Variants in EPM2A observed in about 807,000 individuals in gnomAD.
The protein encoded by EPM2A is laforin.
In EPM2A, 21 loss-of-function variants were observed where a neutral mutation model predicts 26.5. The observed-to-expected ratio is 0.79, with a 90% CI of 0.56 to 1.14. EPM2A has a LOEUF of 1.14. EPM2A is among the 50% of genes most tolerant of loss of function. The pLI is 0.00. For synonymous variants in EPM2A, 217 were observed against 177.6 expected (o/e 1.22, Z -1.76); for missense variants, 458 against 440.8 (o/e 1.04, Z -0.35).
At chr6:145,468,265 T>TA (rs1179625375) in intron 4 of EPM2A, among the ~76,000 whole-genome samples, 2 of 152,074 alleles carry the variant, frequency 1.3e-5, no homozygotes, top group Admixed American at 6.6e-5. Flanking sequence ...GAAAAATACT[T>TA]ACAAAAATAT....
At chr6:145,524,484 T>G (rs1300542482) in intron 2 of EPM2A, among the ~76,000 whole-genome samples, 1 of 152,192 alleles carries the variant, frequency 6.6e-6, no homozygotes, top group Non-Finnish European at 1.5e-5. Flanking sequence ...TGGTTTGAGA[T>G]GGCATCTCAT....
At chr6:145,450,825 T>C (rs779330343) in intron 4 of EPM2A, among the ~76,000 whole-genome samples, 8 of 152,194 alleles carry the variant, frequency 5.3e-5, no homozygotes, top group Non-Finnish European at 1.2e-4. Flanking sequence ...AGATGAACAT[T>C]ATTTGTCTTC....
chr6:145,556,027 T>G (rs1344705538), intron 2 of EPM2A, among the ~76,000 whole-genome samples: 1 of 152,210 alleles, frequency 6.6e-6, no homozygotes, highest in Non-Finnish European at 1.5e-5. Flanking sequence ...ACATAATCTA[T>G]CTCCAGATTC....
In EPM2A at chr6:145,541,326, GTGTATATATA is replaced by G. The variant is rs1780508045; in HGVS notation, c.341-38761_341-38752del. Reference sequence around the variant, plus strand: ...TGTGTGTGTGTATATACATATATATGTGTATATATATGTGTGTGTGTATATATATATATAT... The same window carrying G: ...TGTGTGTGTGTATATACATATATATGTGTGTGTGTGTATATATATATATAT... On this transcript the variant is annotated intron_variant, in intron 2 of 3. Transcript: ENST00000450221. Among the ~76,000 whole-genome samples, 10 of 134,760 alleles carry G rather than the reference GTGTATATATA, an allele frequency of 7.4e-5. 1 individual carries two copies. The South Asian group carries it at 1.1e-3, about 15-fold the overall frequency. 88.4% of individuals were successfully genotyped at this position (134,760 alleles called of 152,430 possible). A position where few individuals can be genotyped will look rare whatever the true frequency, so the allele number is the denominator to read the frequency against.
intron 2 of EPM2A, among the ~76,000 whole-genome samples, chr6:145,591,170 A>C (rs1356910384): frequency 6.6e-6 from 1 of 152,102 alleles, no homozygotes; most frequent in Non-Finnish European, 1.5e-5. Flanking sequence ...GCAAAGATTA[A>C]AAGAATAAAA....
intron 3 of EPM2A, among the ~76,000 whole-genome samples, chr6:145,632,933 G>GC (rs1176734104): frequency 6.6e-6 from 1 of 152,212 alleles, no homozygotes; most frequent in African/African-American, 2.4e-5. Context: ...GTGGAAGCTT[G>GC]CATTTTGCAG....
downstream of EPM2A, among the ~76,000 whole-genome samples, chr6:145,500,007 G>T (rs1005410679): frequency 8.2e-5 from 10 of 121,390 alleles, no homozygotes; most frequent in Non-Finnish European, 1.6e-4. Context: ...ATCAAAAGAT[G>T]TGCTTTTTTT....
At position 145,445,785 on chromosome 6, in the gene EPM2A, C is replaced by T. The variant is rs1779121153; in HGVS notation, c.555+56737G>A. ...GTCTACTTTTGATATCTCCATGTAG[C>T]AGTTAAAAATGGCTATAAATTCTTT... On this transcript the variant is annotated intron_variant, in intron 4 of 4. Transcript: ENST00000638717. Among the ~76,000 whole-genome samples, 3 of 152,110 alleles carry T rather than the reference C, an allele frequency of 2.0e-5. No individual in the cohort carries two copies. In the South Asian group the frequency reaches 6.2e-4, roughly 32 times the overall value.
At chr6:145,553,273 T>A (rs961397119) in intron 2 of EPM2A, among the ~76,000 whole-genome samples, 2 of 152,152 alleles carry the variant, frequency 1.3e-5, no homozygotes, top group Non-Finnish European at 2.9e-5. Flanking sequence ...AAACCTCTTT[T>A]CTTTACAACT....
chr6:145,450,221 C>T (rs1480869911), intron 4 of EPM2A, among the ~76,000 whole-genome samples: 5 of 151,388 alleles, frequency 3.3e-5, no homozygotes, highest in Non-Finnish European at 4.4e-5. Context: ...GGCGTGGTGG[C>T]GGGTGCCTGT....
chr6:145,520,344 T>C (rs1204095636), intron 2 of EPM2A, among the ~76,000 whole-genome samples: 1 of 152,218 alleles, frequency 6.6e-6, no homozygotes, highest in African/African-American at 2.4e-5. Context: ...CTCATTTGCT[T>C]TCTTTGAGCA....
At chr6:145,693,265 A>T (rs1223009677) in intron 1 of EPM2A, among the ~76,000 whole-genome samples, 1 of 151,934 alleles carries the variant, frequency 6.6e-6, no homozygotes, top group Non-Finnish European at 1.5e-5. Context: ...TTGATTTTGT[A>T]TCCTAAAACT....
intron 2 of EPM2A, among the ~76,000 whole-genome samples, chr6:145,585,420 T>G (rs1430427247): frequency 6.6e-6 from 1 of 152,174 alleles, no homozygotes; most frequent in East Asian, 1.9e-4. Context: ...CCAGTTTCTT[T>G]TTTCTGTCTG....
At chr6:145,450,733 G>A (rs1779186082) in intron 4 of EPM2A, among the ~76,000 whole-genome samples, 1 of 152,120 alleles carries the variant, frequency 6.6e-6, no homozygotes, top group Non-Finnish European at 1.5e-5. Context: ...CCTACCCTGG[G>A]TAGTCCAGCA....
chr6:145,405,843 G>C (rs1354184301), intron 4 of EPM2A, among the ~76,000 whole-genome samples: 1 of 152,006 alleles, frequency 6.6e-6, no homozygotes, highest in East Asian at 1.9e-4. Flanking sequence ...TTTATTATAA[G>C]CTGTGCAAGT....
chr6:145,639,422 G>A (rs908820660), intron 2 of EPM2A: 3 of 152,130 alleles, frequency 2.0e-5, no homozygotes, highest in African/African-American at 7.2e-5. Context: ...TTATAGAGAG[G>A]CTTGGGAGTT....
intron 2 of EPM2A, among the ~76,000 whole-genome samples, chr6:145,573,698 C>T (rs889732211): frequency 6.6e-6 from 1 of 152,212 alleles, no homozygotes; most frequent in African/African-American, 2.4e-5. Context: ...TAATAGCCTT[C>T]ACCCTACCAG....
At position 145,627,130 on chromosome 6, in the gene EPM2A, GC is replaced by G; in HGVS notation, c.*285del. The G allele has an allele frequency of 7.5e-7, 1 of 1,332,530 alleles. No individual in the cohort carries two copies. The allele number at this position is 1,332,530 out of a possible 1,614,324, so 82.5% of individuals were successfully genotyped here. ...GTGCTGTAAAGCAAAGGCCTCGTCTGCCTGCAGGCAGCAGGAACTGCACGCA... is the reference window on the plus strand; with the variant it reads ...GTGCTGTAAAGCAAAGGCCTCGTCTGCTGCAGGCAGCAGGAACTGCACGCA... On this transcript the variant is annotated 3_prime_UTR_variant, in exon 4 of 4. Transcript: ENST00000367519.
chr6:145,402,607 C>T (rs146687894), intron 4 of EPM2A, among the ~76,000 whole-genome samples: 143 of 152,094 alleles, frequency 9.4e-4, no homozygotes, highest in African/African-American at 3.0e-3. Context: ...TAGGAAACTC[C>T]CTAATGTATC....
Sources: allele counts gnomAD v4.1 joint callset (sites outside exome capture counted in the v4.1 genomes callset), GRCh38; gene constraint gnomAD v4.1.1; transcripts MANE v1.5; gene names NCBI Gene and HGNC (gene_info 2026-07-23, HGNC 2026-07-21).